Variants in AP3B1 observed in about 807,000 individuals in gnomAD.
The protein encoded by AP3B1 is adaptor related protein complex 3 subunit beta 1, also known as AP-3 complex subunit beta-1.
A neutral mutation model predicts 132.5 loss-of-function variants in AP3B1; 61 were observed. That is an observed-to-expected ratio of 0.46 (90% CI 0.37 to 0.57). The LOEUF (loss-of-function observed/expected upper bound fraction) is 0.57. Among genes scored for constraint, AP3B1 ranks in the 20% least tolerant of loss-of-function variants. The pLI, the probability that AP3B1 is intolerant of heterozygous loss-of-function variation, is 0.00. For synonymous variants in AP3B1, 388 were observed against 438.3 expected (o/e 0.89, Z 1.43); for missense variants, 1,120 against 1,289.4 (o/e 0.87, Z 2.01).
At chr5:78,242,376 T>G (rs1378446372) in intron 2 of AP3B1, among the ~76,000 whole-genome samples, 1 of 151,722 alleles carries the variant, frequency 6.6e-6, no homozygotes. Context: ...TCCTAACACC[T>G]GGGCCACTGT....
At chr5:78,282,250 C>T (rs1274825506) in intron 1 of AP3B1, among the ~76,000 whole-genome samples, 2 of 152,044 alleles carry the variant, frequency 1.3e-5, no homozygotes, top group Non-Finnish European at 2.9e-5. Context: ...CCATTTAGCC[C>T]CTCCTCTTTT....
At chr5:78,219,362 G>C (rs1158219583) in intron 6 of AP3B1, among the ~76,000 whole-genome samples, 2 of 152,024 alleles carry the variant, frequency 1.3e-5, no homozygotes, top group Non-Finnish European at 2.9e-5. Context: ...AGAAAAACAA[G>C]AGAAACTTAT....
At chr5:78,134,329 T>C (rs1207520328) in intron 15 of AP3B1, among the ~76,000 whole-genome samples, 1 of 152,020 alleles carries the variant, frequency 6.6e-6, no homozygotes, top group Non-Finnish European at 1.5e-5. Flanking sequence ...AATACTATAG[T>C]TCTAATAATA....
At chr5:78,107,373 T>C (rs1312858346) in intron 20 of AP3B1, among the ~76,000 whole-genome samples, 1 of 152,158 alleles carries the variant, frequency 6.6e-6, no homozygotes, top group South Asian at 2.1e-4. Flanking sequence ...GGAGGATATG[T>C]AGAATATTTT....
intron 21 of AP3B1, among the ~76,000 whole-genome samples, chr5:78,098,739 C>G (rs1163417462): frequency 6.6e-6 from 1 of 152,144 alleles, no homozygotes; most frequent in Non-Finnish European, 1.5e-5. Flanking sequence ...GCAATATTTA[C>G]TGGGTGCCCA....
chr5:78,099,882 C>T (rs1466325559), intron 21 of AP3B1, among the ~76,000 whole-genome samples: 1 of 151,830 alleles, frequency 6.6e-6, no homozygotes, highest in Non-Finnish European at 1.5e-5. Flanking sequence ...AAGTGAGATT[C>T]CGTCTCGGGG....
chr5:78,272,915 T>G (rs148947817), intron 1 of AP3B1, among the ~76,000 whole-genome samples: 570 of 152,244 alleles, frequency 3.7e-3, no homozygotes, highest in African/African-American at 0.013. Context: ...GGCTGCTACA[T>G]TCAGAATATA....
At chr5:78,287,145 T>C (rs1035997045) in intron 1 of AP3B1, among the ~76,000 whole-genome samples, 1 of 152,236 alleles carries the variant, frequency 6.6e-6, no homozygotes, top group Admixed American at 6.5e-5. Flanking sequence ...CATTCAGCTC[T>C]GGTAATGTTG....
chr5:78,050,119 T>A (rs1748517457), intron 22 of AP3B1, among the ~76,000 whole-genome samples: 1 of 152,146 alleles, frequency 6.6e-6, no homozygotes, highest in South Asian at 2.1e-4. Flanking sequence ...CCTGGGACCC[T>A]CTACCTGGAA....
At chr5:78,083,736 T>C (rs1418852719) in intron 22 of AP3B1, among the ~76,000 whole-genome samples, 1 of 152,208 alleles carries the variant, frequency 6.6e-6, no homozygotes, top group Non-Finnish European at 1.5e-5. Context: ...AACTAAAGCC[T>C]TTCCTTATAA....
chr5:78,277,211 T>C (rs1335228027), intron 1 of AP3B1, among the ~76,000 whole-genome samples: 1 of 152,232 alleles, frequency 6.6e-6, no homozygotes, highest in Non-Finnish European at 1.5e-5. Context: ...TCAAATAGGT[T>C]GTCATGAAGA....
At chr5:78,075,964 AAGG>A (rs1749749825) in intron 22 of AP3B1, among the ~76,000 whole-genome samples, 1 of 152,254 alleles carries the variant, frequency 6.6e-6, no homozygotes, top group Non-Finnish European at 1.5e-5. Context: ...CTTCTTGCTA[AAGG>A]AGAAGAGTAG....
chr5:78,270,779 T>C (rs2112566960), intron 1 of AP3B1, among the ~76,000 whole-genome samples: 1 of 152,302 alleles, frequency 6.6e-6, no homozygotes, highest in Admixed American at 6.5e-5. Context: ...AAGCTTCCCT[T>C]GCAGAGTGCT....
At chr5:78,127,735 C>T (rs1309460811) in intron 17 of AP3B1, among the ~76,000 whole-genome samples, 1 of 152,106 alleles carries the variant, frequency 6.6e-6, no homozygotes, top group African/African-American at 2.4e-5. Context: ...AAACTAAATA[C>T]CTTAGAAATT....
intron 2 of AP3B1, among the ~76,000 whole-genome samples, chr5:78,251,636 G>C (rs1580545761): frequency 6.6e-6 from 1 of 152,208 alleles, no homozygotes; most frequent in Non-Finnish European, 1.5e-5. Context: ...CACAGGGGGA[G>C]CATTTAAACC....
intron 7 of AP3B1, among the ~76,000 whole-genome samples, chr5:78,210,858 TTAC>T: frequency 6.6e-6 from 1 of 152,154 alleles, no homozygotes; most frequent in Non-Finnish European, 1.5e-5. Flanking sequence ...TCGATTAATT[TTAC>T]AAAAGCAACT....
intron 22 of AP3B1, among the ~76,000 whole-genome samples, chr5:78,044,913 T>C (rs1388227409): frequency 6.6e-6 from 1 of 152,160 alleles, no homozygotes; most frequent in Non-Finnish European, 1.5e-5. Flanking sequence ...TCAACCAAGT[T>C]CAAGGTAAAA....
chr5:78,099,102 T>C (rs974546821), intron 21 of AP3B1, among the ~76,000 whole-genome samples: 2 of 152,164 alleles, frequency 1.3e-5, no homozygotes, highest in African/African-American at 4.8e-5. Context: ...GTTTCCTCCT[T>C]CTGTCACATG....
chr5:78,227,051 T>C lies in AP3B1; in HGVS notation c.536+321A>G, dbSNP rs562417167. On this transcript the variant is annotated intron_variant, in intron 5 of 26. Transcript: ENST00000255194. ...GGAAAAAAAAATCTCAATTTTCTAA[T>C]AATACAAGCATATGTGTACATGAGA... is the stretch of plus-strand genomic sequence containing the variant. Among the ~76,000 whole-genome samples the C allele has an allele frequency of 7.2e-5, 11 of 152,194 alleles. 1 individual carries two copies. In the East Asian group the frequency reaches 1.9e-3, roughly 27 times the overall value.
Sources: allele counts gnomAD v4.1 joint callset (sites outside exome capture counted in the v4.1 genomes callset), GRCh38; gene constraint gnomAD v4.1.1; transcripts MANE v1.5; gene names NCBI Gene and HGNC (gene_info 2026-07-23, HGNC 2026-07-21).